MACROD2: variants seen among roughly 807,000 people sequenced by gnomAD.
MACROD2 encodes ADP-ribose glycohydrolase MACROD2.
MACROD2 carries 36 observed loss-of-function variants against 70.4 expected under a neutral mutation model. That is an observed-to-expected ratio of 0.51 (90% CI 0.39 to 0.68). MACROD2 has a LOEUF of 0.68. Ranked by LOEUF, MACROD2 falls within the 30% of genes least tolerant of loss-of-function variation. MACROD2 has a pLI of 0.00. For missense variants in MACROD2, 496 were observed against 538.4 expected, an observed-to-expected ratio of 0.92 and a Z score of 0.78; for synonymous variants, 172 against 178.8, an observed-to-expected ratio of 0.96 and a Z score of 0.30.
chr20:16,002,114 A>C (rs974037177), intron 15 of MACROD2, among the ~76,000 whole-genome samples: 13 of 152,094 alleles, frequency 8.5e-5, no homozygotes, highest in African/African-American at 2.7e-4. Flanking sequence ...CTACCTGTTT[A>C]AGAGATACTC....
chr20:15,201,005 C>T (rs1438391251), intron 5 of MACROD2, among the ~76,000 whole-genome samples: 1 of 152,156 alleles, frequency 6.6e-6, no homozygotes, highest in East Asian at 1.9e-4. Context: ...ACTGATTTAG[C>T]AGGTTTAGGG....
chr20:14,875,901 A>T (rs991080507), intron 5 of MACROD2, among the ~76,000 whole-genome samples: 4 of 152,088 alleles, frequency 2.6e-5, no homozygotes, highest in Middle Eastern at 3.2e-3. Context: ...GGCCACGTAG[A>T]TGGATTCCAT....
Position 14,518,617 on chromosome 20 carries a change from C to G in MACROD2, c.301+25109C>G, listed in dbSNP as rs545832489. Among the ~76,000 whole-genome samples, 3 of 152,164 alleles carry G rather than the reference C, an allele frequency of 2.0e-5. No homozygotes were observed. The South Asian group carries it at 6.2e-4, about 32-fold the overall frequency. ...AATGCCTTTTAGGTGTTTATTAATACAATTACATCATTTTTCTCTTCTTAT... is the reference window on the plus strand; with the variant it reads ...AATGCCTTTTAGGTGTTTATTAATAGAATTACATCATTTTTCTCTTCTTAT... On this transcript the variant is annotated intron_variant, in intron 4 of 17. Coordinates refer to ENST00000684519, the MANE Select transcript of MACROD2 (RefSeq NM_001351661.2).
At chr20:14,309,509 G>A (rs1274289745) in intron 3 of MACROD2, among the ~76,000 whole-genome samples, 1 of 152,082 alleles carries the variant, frequency 6.6e-6, no homozygotes, top group East Asian at 1.9e-4. Flanking sequence ...CTGAAGTTTT[G>A]TGCCTGTTCC....
chr20:15,228,487 CTT>C (rs527508760), intron 5 of MACROD2, among the ~76,000 whole-genome samples: 14 of 117,960 alleles, frequency 1.2e-4, no homozygotes, highest in Admixed American at 1.9e-4. Flanking sequence ...TTCCTTCTTT[CTT>C]TTTTTTTTTT....
At chr20:14,945,719 G>T (rs569433210) in intron 5 of MACROD2, among the ~76,000 whole-genome samples, 5 of 152,238 alleles carry the variant, frequency 3.3e-5, no homozygotes, top group African/African-American at 1.2e-4. Flanking sequence ...GCAAGCATGT[G>T]ACTGTCCTGT....
chr20:15,066,869 G>A (rs1415073657), intron 5 of MACROD2, among the ~76,000 whole-genome samples: 3 of 148,680 alleles, frequency 2.0e-5, no homozygotes, highest in Admixed American at 6.7e-5. Context: ...GTGACAGAGA[G>A]AGACTCTGTC....
At chr20:14,820,367 T>C (rs906696542) in intron 5 of MACROD2, among the ~76,000 whole-genome samples, 35 of 150,996 alleles carry the variant, frequency 2.3e-4, no homozygotes, top group Non-Finnish European at 4.6e-4. Context: ...CTTTTTTTTT[T>C]TTTTTTTTTG....
At chr20:14,551,815 A>G (rs960478572) in intron 4 of MACROD2, among the ~76,000 whole-genome samples, 11 of 152,202 alleles carry the variant, frequency 7.2e-5, no homozygotes, top group African/African-American at 9.6e-5. Flanking sequence ...TCAATTTTGA[A>G]TGGTGTTTTC....
At chr20:15,052,627 TC>T (rs2075451598) in intron 5 of MACROD2, among the ~76,000 whole-genome samples, 1 of 152,186 alleles carries the variant, frequency 6.6e-6, no homozygotes, top group African/African-American at 2.4e-5. Context: ...GACCTGTCAT[TC>T]CCCTGTCTGT....
chr20:15,807,488 G>A (rs1447262019), intron 8 of MACROD2, among the ~76,000 whole-genome samples: 1 of 152,144 alleles, frequency 6.6e-6, no homozygotes, highest in African/African-American at 2.4e-5. Flanking sequence ...ATATAAGCCT[G>A]CACTATCTAA....
At chr20:15,833,662 T>G (rs946748455) in intron 8 of MACROD2, among the ~76,000 whole-genome samples, 7 of 152,220 alleles carry the variant, frequency 4.6e-5, no homozygotes, top group Non-Finnish European at 1.0e-4. Context: ...AAAACAGGGC[T>G]GTTGCTCTTT....
At chr20:15,086,280 A>T (rs188347380) in intron 5 of MACROD2, among the ~76,000 whole-genome samples, 10 of 152,200 alleles carry the variant, frequency 6.6e-5, no homozygotes, top group South Asian at 2.1e-4. Context: ...AGTTTAAAAA[A>T]TGATTTGTTA....
chr20:15,864,798 A>T (rs2064469618), intron 9 of MACROD2, among the ~76,000 whole-genome samples: 1 of 152,166 alleles, frequency 6.6e-6, no homozygotes, highest in South Asian at 2.1e-4. Flanking sequence ...TGCTCATGAA[A>T]TTATTTTCAG....
At chr20:15,995,855 T>C (rs1241396203) in intron 15 of MACROD2, among the ~76,000 whole-genome samples, 1 of 83,254 alleles carries the variant, frequency 1.2e-5, no homozygotes, top group Admixed American at 1.3e-4. Context: ...TATACAAATG[T>C]GAGGTGTGTG....
intron 6 of MACROD2, among the ~76,000 whole-genome samples, chr20:15,413,602 A>C (rs1261818736): frequency 1.3e-5 from 2 of 152,178 alleles, no homozygotes; most frequent in African/African-American, 4.8e-5. Context: ...ATGTTTACTG[A>C]GAGTTCCAAG....
intron 3 of MACROD2, among the ~76,000 whole-genome samples, chr20:14,450,320 C>A (rs1046690625): frequency 2.0e-5 from 3 of 152,046 alleles, no homozygotes; most frequent in African/African-American, 4.8e-5. Context: ...AGAACAGAAA[C>A]AAATTTCATG....
At chr20:14,965,729 A>G (rs576923622) in intron 5 of MACROD2, among the ~76,000 whole-genome samples, 53 of 151,756 alleles carry the variant, frequency 3.5e-4, no homozygotes, top group Non-Finnish European at 6.5e-4. Context: ...CGGCCTTCCA[A>G]AGTGCTGGGA....
chr20:14,123,669 T>G lies in MACROD2; in HGVS notation c.271+37941T>G, dbSNP rs115488295. Among the ~76,000 whole-genome samples, 841 of 152,308 alleles carry G rather than the reference T, an allele frequency of 5.5e-3. 8 individuals carry two copies. The highest frequency in any genetic ancestry group is 0.037 in the Middle Eastern group (11 of 294). ...TGAAGATAGTGGTAATCATCAATGTTTCAGAAAGGTAGCATTTCTGGCCCT... is the reference window on the plus strand; with the variant it reads ...TGAAGATAGTGGTAATCATCAATGTGTCAGAAAGGTAGCATTTCTGGCCCT... On this transcript the variant is annotated intron_variant, in intron 3 of 17. Transcript: ENST00000684519.
Sources: allele counts gnomAD v4.1 joint callset (sites outside exome capture counted in the v4.1 genomes callset), GRCh38; gene constraint gnomAD v4.1.1; transcripts MANE v1.5; gene names NCBI Gene and HGNC (gene_info 2026-07-23, HGNC 2026-07-21).